Variants in FBN2 observed in about 807,000 individuals in gnomAD.
FBN2 encodes the protein fibrillin-2.
A neutral mutation model predicts 355.6 loss-of-function variants in FBN2; 105 were observed. That is an observed-to-expected ratio of 0.30 (90% CI 0.25 to 0.35). The LOEUF is 0.35. Among genes scored for constraint, FBN2 ranks in the 10% least tolerant of loss-of-function variants. The probability of loss-of-function intolerance (pLI) is 1.00; values close to 1 mark genes in which losing one functional copy is unlikely to be tolerated. For synonymous variants in FBN2, 1,350 were observed against 1,301.2 expected (o/e 1.04, Z -0.81); for missense variants, 3,280 against 3,758.7 (o/e 0.87, Z 3.33).
chr5:128,517,448 C>T (rs577684835), intron 5 of FBN2, among the ~76,000 whole-genome samples: 1 of 152,156 alleles, frequency 6.6e-6, no homozygotes, highest in Admixed American at 6.5e-5. Context: ...TTTATGCTAA[C>T]GTTTCATAAT....
chr5:128,495,485 A>T (rs1236614666), intron 5 of FBN2, among the ~76,000 whole-genome samples: 1 of 152,154 alleles, frequency 6.6e-6, no homozygotes, highest in Non-Finnish European at 1.5e-5. Context: ...AAAAATGCAA[A>T]GATATCCAAA....
At chr5:128,485,191 T>A (rs1019562529) in intron 5 of FBN2, among the ~76,000 whole-genome samples, 18 of 151,986 alleles carry the variant, frequency 1.2e-4, no homozygotes, top group Non-Finnish European at 2.9e-5. Flanking sequence ...GCACAGCTAA[T>A]TTTTTATTTT....
intron 6 of FBN2, among the ~76,000 whole-genome samples, chr5:128,455,309 A>C (rs1176798953): frequency 6.6e-6 from 1 of 152,216 alleles, no homozygotes; most frequent in East Asian, 1.9e-4. Context: ...TATATGAGTT[A>C]ACTTTGGTCC....
At chr5:128,294,084 G>A (rs1000049515) in intron 48 of FBN2, among the ~76,000 whole-genome samples, 19 of 151,584 alleles carry the variant, frequency 1.3e-4, no homozygotes, top group African/African-American at 2.9e-4. Context: ...GAGAATATGC[G>A]GTGTTTGGTT....
chr5:128,519,218 A>G (rs1162919586), intron 5 of FBN2, 55 bp downstream of exon 5: 1 of 1,258,518 alleles, frequency 7.9e-7, no homozygotes, highest in Admixed American at 1.8e-5. Context: ...AAAATTATAC[A>G]TTTTTACAAT....
At chr5:128,280,406 A>T (rs1038205852) in intron 55 of FBN2, 89 bp from the exon 56 acceptor site, 13 of 994,018 alleles carry the variant, frequency 1.3e-5, no homozygotes, top group Non-Finnish European at 2.0e-5. Flanking sequence ...CTTATTTAAC[A>T]CTTCTTTGCC....
At position 128,259,290 on chromosome 5, in the gene FBN2, T is replaced by A; in HGVS notation, c.*165A>T. ...TCAAATCTTTGGCCATACCAGAGTC[T>A]AAATTATCCCTCCCTGTGAGGGTCA... On this transcript the variant is annotated 3_prime_UTR_variant, in exon 65 of 65. Coordinates refer to ENST00000262464, the MANE Select transcript of FBN2 (RefSeq NM_001999.4). 1 of 898,262 alleles carries A rather than the reference T, an allele frequency of 1.1e-6. No individual in the cohort carries two copies. Among genetic ancestry groups the A allele is most frequent in the South Asian group, 1.5e-5 (1 of 67,248 alleles). 55.6% of individuals were successfully genotyped at this position (898,262 alleles called of 1,614,324 possible).
At chr5:128,298,457 G>A (rs1305959328) in intron 48 of FBN2, among the ~76,000 whole-genome samples, 3 of 152,022 alleles carry the variant, frequency 2.0e-5, no homozygotes, top group African/African-American at 4.8e-5. Context: ...CATTCTCCCC[G>A]TCACTTTCAG....
chr5:128,438,732 C>T (rs1753840991), intron 7 of FBN2, among the ~76,000 whole-genome samples: 1 of 152,100 alleles, frequency 6.6e-6, no homozygotes, highest in South Asian at 2.1e-4. Context: ...TCACTGAGGG[C>T]TCAAGAAAAA....
chr5:128,327,135 T>C (rs927524455), intron 34 of FBN2, among the ~76,000 whole-genome samples: 10 of 152,110 alleles, frequency 6.6e-5, no homozygotes, highest in Non-Finnish European at 1.0e-4. Flanking sequence ...GAAACCAGGA[T>C]TGGGAAAAAA....
intron 5 of FBN2, among the ~76,000 whole-genome samples, chr5:128,514,436 G>A (rs9327478): frequency 1.3e-5 from 2 of 151,962 alleles, no homozygotes; most frequent in South Asian, 4.1e-4. Context: ...ATCCTCATGT[G>A]TAAAGTAGAT....
intron 36 of FBN2, among the ~76,000 whole-genome samples, chr5:128,316,789 G>T (rs1183980468): frequency 6.6e-6 from 1 of 152,134 alleles, no homozygotes; most frequent in Non-Finnish European, 1.5e-5. Context: ...ATTTTTTAAT[G>T]TTTAGACTAT....
rs769638925 is a variant in FBN2, at chr5:128,305,526, T to C, written c.5659A>G (p.Asn1887Asp). 2 of 1,614,052 alleles carry C rather than the reference T, an allele frequency of 1.2e-6. No homozygotes were observed. Among genetic ancestry groups the C allele is most frequent in the South Asian group, 1.1e-5 (1 of 91,082 alleles). Residue 1887 changes from asparagine to aspartate, a missense_variant, in exon 44 of 65, where the codon AAT becomes GAT. Physicochemically the swap from Asn to Asp is conservative, Grantham distance 23 (BLOSUM62 1). Coordinates refer to ENST00000262464, the MANE Select transcript of FBN2 (RefSeq NM_001999.4). ...ECAAGFKLSPNGACVDRNECL... is the reference protein window; with the variant it reads ...ECAAGFKLSPDGACVDRNECL... ...TCTTTCTTACCTACACAGGCCCCATTGGGTGAAAGTTTGAAACCCGCGGCA... is the reference window on the plus strand; with the variant it reads ...TCTTTCTTACCTACACAGGCCCCATCGGGTGAAAGTTTGAAACCCGCGGCA...
chr5:128,391,984 A>C (rs1752523892), intron 11 of FBN2, 34 bp downstream of exon 11: 2 of 1,599,624 alleles, frequency 1.3e-6, no homozygotes, highest in Non-Finnish European at 1.7e-6. Context: ...TACTAAAAAA[A>C]CTAAGAAGGA....
chr5:128,535,320 AC>A (rs1756817790), intron 2 of FBN2, among the ~76,000 whole-genome samples: 1 of 150,606 alleles, frequency 6.6e-6, no homozygotes, highest in Non-Finnish European at 1.5e-5. Context: ...CTATCTCAAA[AC>A]CACAAAACCA....
At chr5:128,483,872 A>G (rs964236145) in intron 5 of FBN2, among the ~76,000 whole-genome samples, 2 of 152,200 alleles carry the variant, frequency 1.3e-5, no homozygotes, top group South Asian at 4.1e-4. Flanking sequence ...TATAGAGTAG[A>G]CAAATCTGGT....
In FBN2 at chr5:128,527,871, C is replaced by G; in HGVS notation, c.532+1G>C. 1 of 1,584,860 alleles carries G rather than the reference C, an allele frequency of 6.3e-7. No homozygotes were observed. The highest frequency in any genetic ancestry group is 8.7e-7 in the Non-Finnish European group (1 of 1,153,940). ...ATTTCTAATAAATCAATGTCCCTTACGTTGTCCACAATAAGTTCCAATATA... is the reference window on the plus strand; with the variant it reads ...ATTTCTAATAAATCAATGTCCCTTAGGTTGTCCACAATAAGTTCCAATATA... On this transcript the variant is annotated splice_donor_variant, in intron 4 of 64. Transcript: ENST00000262464. LOFTEE classifies it high-confidence loss of function.
At chr5:128,465,983 C>A (rs1484669306) in intron 5 of FBN2, among the ~76,000 whole-genome samples, 1 of 152,118 alleles carries the variant, frequency 6.6e-6, no homozygotes, top group Non-Finnish European at 1.5e-5. Flanking sequence ...AGACTGCAGG[C>A]AGTTGGAAAG....
intron 19 of FBN2, among the ~76,000 whole-genome samples, chr5:128,361,283 T>C (rs1444944566): frequency 6.6e-6 from 1 of 152,224 alleles, no homozygotes; most frequent in Non-Finnish European, 1.5e-5. Context: ...TCAAATATTT[T>C]GTGGGCTGAC....
Sources: allele counts gnomAD v4.1 joint callset (sites outside exome capture counted in the v4.1 genomes callset), GRCh38; gene constraint gnomAD v4.1.1; transcripts MANE v1.5; gene names NCBI Gene and HGNC (gene_info 2026-07-23, HGNC 2026-07-21).